EPN1: variants seen among roughly 807,000 people sequenced by gnomAD.
EPN1 encodes epsin-1.
Under a neutral mutation model 56.9 loss-of-function variants are expected in EPN1, and 25 were observed. The observed-to-expected ratio is 0.44, with a 90% CI of 0.32 to 0.61. The LOEUF (loss-of-function observed/expected upper bound fraction) is 0.61, where lower values mean the gene tolerates loss of function less well. Among genes scored for constraint, EPN1 ranks in the 20% least tolerant of loss-of-function variants. The pLI is 0.05. For synonymous variants in EPN1, 411 were observed against 361.8 expected, an observed-to-expected ratio of 1.14 and a Z score of -1.54; for missense variants, 785 against 823.7, an observed-to-expected ratio of 0.95 and a Z score of 0.58.
chr19:55,695,088 G>T lies in EPN1; in HGVS notation c.1523-60G>T, dbSNP rs1986832782. 2 of 1,609,610 alleles carry T rather than the reference G, an allele frequency of 1.2e-6. No homozygotes were observed. Among genetic ancestry groups the T allele is most frequent in the African/African-American group, 1.3e-5 (1 of 74,864 alleles). On this transcript the variant is annotated intron_variant, in intron 10 of 10. Transcript: ENST00000270460. The surrounding 1 kb of genome is among the most constrained non-coding windows in gnomAD (Gnocchi z 4.4). ...CGCCCTTTGCCTGCACATGCTGGAT[G>T]GACACAGGTGGGCTGCGCCACTGAC...
At chr19:55,692,911 G>GCCCC (rs1568578511) in intron 8 of EPN1, 40 bp from the exon 9 acceptor site, 1 of 1,609,884 alleles carries the variant, frequency 6.2e-7, no homozygotes. Flanking sequence ...CTGAGGCGGG[G>GCCCC]CCCCAGGGAG....
rs1987035877 is a variant in EPN1, at chr19:55,699,276, TTC to T, written c.*3922_*3923del. 6.6e-6 allele frequency: 1 copy of T among 152,202 alleles called. No homozygotes were observed. Among genetic ancestry groups the T allele is most frequent in the Non-Finnish European group, 1.5e-5 (1 of 68,046 alleles). The allele number at this position is 152,202 out of a possible 1,614,324, so 9.4% of individuals were successfully genotyped here. A position where few individuals can be genotyped will look rare whatever the true frequency, so the allele number is the denominator to read the frequency against. On this transcript the variant is annotated 3_prime_UTR_variant, in exon 11 of 11. Transcript: ENST00000270460. ...CGTGTGCTAAAAGGGGAGGGAGAGT[TTC>T]TGTGCCCATTCCCAGGCACCTTCTT...
chr19:55,709,153 A>T lies in EPN1; in HGVS notation c.*13797A>T, dbSNP rs1987593286. 1.4e-6 allele frequency: 1 copy of T among 718,734 alleles called. No individual in the cohort carries two copies. The allele number at this position is 718,734 out of a possible 1,614,324, so 44.5% of individuals were successfully genotyped here. ...CTCTCCTCTTTATTCTTTCCTAGAA[A>T]TCACTGGGAGAATTGTACTGAATTT... On this transcript the variant is annotated 3_prime_UTR_variant, in exon 11 of 11. Coordinates refer to ENST00000270460, the MANE Select transcript of EPN1 (RefSeq NM_001130072.2).
intron 2 of EPN1, among the ~76,000 whole-genome samples, chr19:55,679,402 A>G (rs1985656131): frequency 6.6e-6 from 1 of 152,240 alleles, no homozygotes. Context: ...GGGCCGGGTT[A>G]TACTCCCAGT....
At position 55,706,198 on chromosome 19, in the gene EPN1, TCTTC is replaced by T. The variant is rs1446133629; in HGVS notation, c.*10846_*10849del. 1.5e-4 allele frequency: 23 copies of T among 154,552 alleles called. No individual in the cohort carries two copies. Among genetic ancestry groups the T allele is most frequent in the East Asian group, 2.0e-4 (1 of 5,084 alleles). 9.6% of individuals were successfully genotyped at this position (154,552 alleles called of 1,614,324 possible). Reference sequence around the variant, plus strand: ...CCTCTTCCTCCTTTTTCTCCTCCTTTCTTCCTTTATTTTTCTTTCTTCCTTTCCT... The same window carrying T: ...CCTCTTCCTCCTTTTTCTCCTCCTTTCTTTATTTTTCTTTCTTCCTTTCCT... On this transcript the variant is annotated 3_prime_UTR_variant, in exon 11 of 11. Coordinates refer to ENST00000270460, the MANE Select transcript of EPN1 (RefSeq NM_001130072.2).
At position 55,691,669 on chromosome 19, in the gene EPN1, C is replaced by T. The variant is rs1046109638; in HGVS notation, c.763-85C>T. On this transcript the variant is annotated intron_variant, in intron 6 of 10. Coordinates refer to ENST00000270460, the MANE Select transcript of EPN1 (RefSeq NM_001130072.2). This position sits in a 1 kb window ranked among gnomAD's most constrained non-coding sequence, Gnocchi z 5.6. ...GTCTGGACACCCAGGGCCTGGCCGC[C>T]TCCCCCGCCACGGGCCCCAGCTTGG... The T allele has an allele frequency of 6.3e-5, 82 of 1,299,058 alleles. No individual in the cohort carries two copies. The highest frequency in any genetic ancestry group is 8.3e-5 in the Non-Finnish European group (77 of 922,336). The allele number at this position is 1,299,058 out of a possible 1,614,324, so 80.5% of individuals were successfully genotyped here. A position where few individuals can be genotyped will look rare whatever the true frequency, so the allele number is the denominator to read the frequency against.
At chr19:55,684,854 G>T (rs1444482872) in intron 2 of EPN1, among the ~76,000 whole-genome samples, 2 of 152,224 alleles carry the variant, frequency 1.3e-5, no homozygotes, top group Non-Finnish European at 2.9e-5. Context: ...GCCCATGGCG[G>T]CTGTGGTGCC....
At chr19:55,680,804 G>A (rs1568565748) in intron 2 of EPN1, 1 of 152,546 alleles carries the variant, frequency 6.6e-6, no homozygotes, top group African/African-American at 2.4e-5. Flanking sequence ...CAGGCCCAGA[G>A]GCCCTGAGCC....
chr19:55,688,862 C>T lies in EPN1; in HGVS notation c.479-8C>T, dbSNP rs1028614644. 2 of 1,574,364 alleles carry T rather than the reference C, an allele frequency of 1.3e-6. No individual in the cohort carries two copies. Among genetic ancestry groups the T allele is most frequent in the South Asian group, 2.3e-5 (2 of 85,952 alleles). On this transcript the variant is annotated splice_polypyrimidine_tract_variant and splice_region_variant and intron_variant, in intron 3 of 10. Coordinates refer to ENST00000270460, the MANE Select transcript of EPN1 (RefSeq NM_001130072.2). ...CTGGGTCTCACGCGTTTCTCACCCG[C>T]CCTCCAGCCTCATCAGCAGCTGTGG...
rs1401203220 is a variant in EPN1 at position 55,700,935 on chromosome 19, A to G, written c.*5579A>G. On this transcript the variant is annotated 3_prime_UTR_variant, in exon 11 of 11. Coordinates refer to ENST00000270460, the MANE Select transcript of EPN1 (RefSeq NM_001130072.2). ...ACCCAAATCAAGCATCACTACATCC[A>G]TCCGCAGGGGAGGCAAGCTTAGGGC... The G allele has an allele frequency of 6.6e-6, 1 of 152,206 alleles. No homozygotes were observed. Among genetic ancestry groups the G allele is most frequent in the East Asian group, 1.9e-4 (1 of 5,180 alleles). 9.4% of individuals were successfully genotyped at this position (152,206 alleles called of 1,614,324 possible). A position where few individuals can be genotyped will look rare whatever the true frequency, so the allele number is the denominator to read the frequency against.
chr19:55,691,677 C>A lies in EPN1; in HGVS notation c.763-77C>A. 1 of 1,404,114 alleles carries A rather than the reference C, an allele frequency of 7.1e-7. No homozygotes were observed. The highest frequency in any genetic ancestry group is 9.9e-7 in the Non-Finnish European group (1 of 1,013,084). The allele number at this position is 1,404,114 out of a possible 1,614,324, so 87.0% of individuals were successfully genotyped here. On this transcript the variant is annotated intron_variant, in intron 6 of 10. Coordinates refer to ENST00000270460, the MANE Select transcript of EPN1 (RefSeq NM_001130072.2). This position sits in a 1 kb window ranked among gnomAD's most constrained non-coding sequence, Gnocchi z 5.6. ...ACCCAGGGCCTGGCCGCCTCCCCCGCCACGGGCCCCAGCTTGGTCCCTGTC... is the reference window on the plus strand; with the variant it reads ...ACCCAGGGCCTGGCCGCCTCCCCCGACACGGGCCCCAGCTTGGTCCCTGTC...
Position 55,708,905 on chromosome 19 carries a change from TTCCCCA to T in EPN1, c.*13552_*13557del, listed in dbSNP as rs1485530303. On this transcript the variant is annotated 3_prime_UTR_variant, in exon 11 of 11. Transcript: ENST00000270460. The stretch of plus-strand genomic sequence containing the variant: ...TTTGTGAGACGACTACTTCAGGGTG[TTCCCCA>T]TCAGAGGAGCACACCCCTGATCTTG... 5.2e-6 allele frequency: 8 copies of T among 1,532,820 alleles called. No individual in the cohort carries two copies. The highest frequency in any genetic ancestry group is 7.0e-6 in the Non-Finnish European group (8 of 1,148,474). The allele number at this position is 1,532,820 out of a possible 1,614,324, so 95.0% of individuals were successfully genotyped here.
In EPN1 at chr19:55,677,419, C is replaced by T. The variant is rs138155404; in HGVS notation, c.-101-1108C>T. ...TGCTTGACTCTCTTGTTTCTCGTCACCAGTCTCGGGATGGGTTAATTTAAT... is the reference window on the plus strand; with the variant it reads ...TGCTTGACTCTCTTGTTTCTCGTCATCAGTCTCGGGATGGGTTAATTTAAT... On this transcript the variant is annotated intron_variant, in intron 1 of 10. Coordinates refer to ENST00000270460, the MANE Select transcript of EPN1 (RefSeq NM_001130072.2). 3.5e-4 allele frequency: 235 copies of T among 665,606 alleles called. No homozygotes were observed. The African/African-American group carries it at 4.0e-3, about 11-fold the overall frequency. The allele number at this position is 665,606 out of a possible 1,614,324, so 41.2% of individuals were successfully genotyped here.
intron 1 of EPN1, among the ~76,000 whole-genome samples, 157 bp downstream of exon 1, chr19:55,675,592 G>C (rs967433396): frequency 6.6e-6 from 1 of 152,196 alleles, no homozygotes; most frequent in Non-Finnish European, 1.5e-5. Flanking sequence ...CCCCCGTGTC[G>C]GTTGTCTGTG....
chr19:55,678,172 C>T (rs981018566), intron 1 of EPN1, among the ~76,000 whole-genome samples: 4 of 151,980 alleles, frequency 2.6e-5, no homozygotes, highest in South Asian at 2.1e-4. Context: ...GATGCGCTGC[C>T]GGTGTTTACA....
Position 55,689,301 on chromosome 19 carries a change from C to A in EPN1, c.608C>A (p.Pro203Gln). 6.4e-7 allele frequency: 1 copy of A among 1,550,850 alleles called. No individual in the cohort carries two copies. Among genetic ancestry groups the A allele is most frequent in the East Asian group, 2.4e-5 (1 of 40,888 alleles). ...CTCACACTCTCTCTCCCCCAGCCCC[C>A]GTCCTGCGGCCCCGAGGACGACGCC... Reference protein sequence around the residue: ...AMSKEEADQPPSCGPEDDAQL... With the variant: ...AMSKEEADQPQSCGPEDDAQL... Residue 203 changes from proline (P) to glutamine (Q), a missense_variant, in exon 5 of 11, where the codon CCG (proline) becomes CAG (glutamine). Physicochemically the swap from Pro to Gln is moderately conservative, Grantham distance 76. Coordinates refer to ENST00000270460, the MANE Select transcript of EPN1 (RefSeq NM_001130072.2). This position sits in a 1 kb window ranked among gnomAD's most constrained non-coding sequence, Gnocchi z 5.7.
In EPN1 at chr19:55,679,162, C is replaced by T. The variant is rs576587733; in HGVS notation, c.228+307C>T. On this transcript the variant is annotated intron_variant, in intron 2 of 10. Coordinates refer to ENST00000270460, the MANE Select transcript of EPN1 (RefSeq NM_001130072.2). ...ACCCAGTTCCTTTCCTCACAGCAGCCAAGTTTCCGCTCTGGGCCCCATCTA... is the reference window on the plus strand; with the variant it reads ...ACCCAGTTCCTTTCCTCACAGCAGCTAAGTTTCCGCTCTGGGCCCCATCTA... Among the ~76,000 whole-genome samples the T allele has an allele frequency of 4.6e-5, 7 of 152,356 alleles. No individual in the cohort carries two copies. In the East Asian group the frequency reaches 1.4e-3, roughly 29 times the overall value.
In EPN1 at chr19:55,689,772, G is replaced by A. The variant is rs2303760; in HGVS notation, c.679-95G>A. 49,894 of 1,137,990 alleles carry A rather than the reference G, an allele frequency of 0.044. 2,020 individuals are homozygous for A. The highest frequency in any genetic ancestry group is 0.16 in the South Asian group (12,060 of 75,632). 70.5% of individuals were successfully genotyped at this position (1,137,990 alleles called of 1,614,324 possible). ...ATCGAATCCTTCAGCCGCTTTCGTT[G>A]GGGTGGGAGGGGTTGCTGGGGCTTC... is the stretch of plus-strand genomic sequence containing the variant. On this transcript the variant is annotated intron_variant, in intron 5 of 10. Transcript: ENST00000270460. The surrounding 1 kb of genome is among the most constrained non-coding windows in gnomAD (Gnocchi z 5.7).
intron 1 of EPN1, among the ~76,000 whole-genome samples, chr19:55,675,921 T>G (rs566895286): frequency 6.6e-6 from 1 of 152,314 alleles, no homozygotes; most frequent in African/African-American, 2.4e-5. Context: ...TCCTGAAGTT[T>G]CTTTCCAGGA....
Sources: allele counts gnomAD v4.1 joint callset (sites outside exome capture counted in the v4.1 genomes callset), GRCh38; gene constraint gnomAD v4.1.1; non-coding constraint Gnocchi (gnomAD v3.1); transcripts MANE v1.5; gene names NCBI Gene and HGNC (gene_info 2026-07-23, HGNC 2026-07-21).